The following DNAJB4 variants were observed in gnomAD, a reference collection of about 807,000 sequenced individuals.
DNAJB4 encodes dnaJ homolog subfamily B member 4.
A neutral mutation model predicts 26.6 loss-of-function variants in DNAJB4; 10 were observed. That is an observed-to-expected ratio of 0.38 (90% CI 0.23 to 0.64). DNAJB4 has a LOEUF of 0.64. Ranked by LOEUF, DNAJB4 falls within the 30% of genes least tolerant of loss-of-function variation. DNAJB4 has a pLI of 0.58. For synonymous variants in DNAJB4, 136 were observed against 134.8 expected (o/e 1.01, Z -0.06); for missense variants, 328 against 408.2 (o/e 0.80, Z 1.69).
At chr1:77,982,062 G>A (rs1231961705) in intron 1 of DNAJB4, among the ~76,000 whole-genome samples, 1 of 152,190 alleles carries the variant, frequency 6.6e-6, no homozygotes, top group Non-Finnish European at 1.5e-5. Flanking sequence ...GAAAGCATCT[G>A]TCTTAAATAA....
rs1191431279 is a variant in DNAJB4 at position 78,013,488 on chromosome 1, C to G, written c.649C>G (p.Pro217Ala). Residue 217 changes from proline (P) to alanine (A), a missense_variant, in exon 2 of 3, where the codon CCA becomes GCA. Physicochemically the swap from Pro to Ala is conservative, Grantham distance 27. Coordinates refer to ENST00000370763, the MANE Select transcript of DNAJB4 (RefSeq NM_007034.5). ...GAAAGAAGGCACCAAAATTACTTTT[C>G]CAAGAGAAGGAGATGAAACACCAAA... ...GWKEGTKITF[P>A]REGDETPNSI... is the part of the protein sequence containing the mutation. 2 of 1,614,038 alleles carry G rather than the reference C, an allele frequency of 1.2e-6. No individual in the cohort carries two copies. The highest frequency in any genetic ancestry group is 1.7e-6 in the Non-Finnish European group (2 of 1,180,008).
chr1:77,993,164 A>G (rs1659977271), intron 1 of DNAJB4, among the ~76,000 whole-genome samples: 1 of 152,178 alleles, frequency 6.6e-6, no homozygotes, highest in Admixed American at 6.5e-5. Flanking sequence ...GTTGGCAAAC[A>G]TTTCCTGGTA....
At chr1:77,983,012 A>AG (rs1659697062) in intron 1 of DNAJB4, among the ~76,000 whole-genome samples, 1 of 152,174 alleles carries the variant, frequency 6.6e-6, no homozygotes, top group African/African-American at 2.4e-5. Context: ...CAGCATATGG[A>AG]GGATCCCGCC....
At chr1:77,983,775 C>T (rs1336504695) in intron 1 of DNAJB4, among the ~76,000 whole-genome samples, 1 of 152,156 alleles carries the variant, frequency 6.6e-6, no homozygotes, top group Non-Finnish European at 1.5e-5. Context: ...AATGGAGTCT[C>T]CTATGTCTAC....
At chr1:77,983,505 A>G (rs1396462936) in intron 1 of DNAJB4, among the ~76,000 whole-genome samples, 2 of 152,206 alleles carry the variant, frequency 1.3e-5, no homozygotes. Context: ...ACCTTGGACA[A>G]TACCTGGCTT....
In DNAJB4 at chr1:78,015,550, CTTTTTTTT is replaced by C. The variant is rs766899519; in HGVS notation, c.781-453_781-446del. Reference sequence around the variant, plus strand: ...TTTTCTTTTTCTTTCTTTCTTTCTTCTTTTTTTTTTTTTTTTTTGAGACAGTTTTGCTC... The same window carrying C: ...TTTTCTTTTTCTTTCTTTCTTTCTTCTTTTTTTTTTGAGACAGTTTTGCTC... On this transcript the variant is annotated intron_variant, in intron 2 of 2. Coordinates refer to ENST00000370763, the MANE Select transcript of DNAJB4 (RefSeq NM_007034.5). 3.6e-3 allele frequency among the ~76,000 whole-genome samples: 210 copies of C among 57,802 alleles called. 3 individuals are homozygous for C. The highest frequency in any genetic ancestry group is 1.7e-3 in the Non-Finnish European group (43 of 26,024). The allele number at this position is 57,802 out of a possible 152,430, so 37.9% of individuals were successfully genotyped here.
At chr1:78,003,029 A>AT (rs139904898), upstream of DNAJB4, among the ~76,000 whole-genome samples, 7,025 of 148,950 alleles carry the variant, frequency 0.047, 203 homozygotes, top group East Asian at 0.08. Flanking sequence ...ATAAGTGTCT[A>AT]TTTTTTTTTT....
At chr1:77,987,423 C>T (rs1274875854) in intron 1 of DNAJB4, among the ~76,000 whole-genome samples, 1 of 152,148 alleles carries the variant, frequency 6.6e-6, no homozygotes, top group African/African-American at 2.4e-5. Context: ...ATCAGCACAC[C>T]TGGCTAATTT....
At chr1:78,011,415 A>C (rs931719333) in intron 1 of DNAJB4, among the ~76,000 whole-genome samples, 2 of 151,856 alleles carry the variant, frequency 1.3e-5, no homozygotes, top group Admixed American at 6.6e-5. Context: ...TGTCTAAAAA[A>C]CCATTTTTCA....
chr1:77,983,370 A>C (rs1659712601), intron 1 of DNAJB4, among the ~76,000 whole-genome samples: 1 of 152,080 alleles, frequency 6.6e-6, no homozygotes, highest in South Asian at 2.1e-4. Context: ...TCTCAACTGC[A>C]AGAGGCATGC....
Position 77,985,864 on chromosome 1 carries a change from CAT to C in DNAJB4, c.-32+5547_-32+5548del, listed in dbSNP as rs752063434. Among the ~76,000 whole-genome samples the C allele has an allele frequency of 3.2e-4, 48 of 152,014 alleles. 1 individual carries two copies. Among genetic ancestry groups the C allele is most frequent in the Non-Finnish European group, 1.2e-4 (8 of 67,996 alleles). ...GAGATACAGTAGTAAACAAAATAGA[CAT>C]ATATCTCACCGTCTTGTCTTGAGCA... On this transcript the variant is annotated intron_variant, in intron 1 of 2. Coordinates refer to the DNAJB4 transcript ENST00000426517.
Position 78,013,620 on chromosome 1 carries a change from G to T in DNAJB4, c.780+1G>T. ...TACTGCTAAAATTAGTTTACGAGAG[G>T]TAAGTTGGTAGGACCTAAAATCCTA... On this transcript the variant is annotated splice_donor_variant, in intron 2 of 2. Coordinates refer to ENST00000370763, the MANE Select transcript of DNAJB4 (RefSeq NM_007034.5). LOFTEE classifies it high-confidence loss of function. 1 of 1,566,452 alleles carries T rather than the reference G, an allele frequency of 6.4e-7. No homozygotes were observed.
At chr1:77,985,106 G>A (rs1659761554) in intron 1 of DNAJB4, among the ~76,000 whole-genome samples, 1 of 152,136 alleles carries the variant, frequency 6.6e-6, no homozygotes, top group Admixed American at 6.5e-5. Flanking sequence ...CTTAATTTTT[G>A]TAATCAGGAT....
chr1:78,012,957 AAGTT>A (rs1326021348), intron 1 of DNAJB4, 90 bp from the exon 2 acceptor site: 152 of 1,150,066 alleles, frequency 1.3e-4, no homozygotes, highest in Non-Finnish European at 1.3e-4. Context: ...ATTTTAATGT[AAGTT>A]AGCCAAAATT....
chr1:78,001,284 G>C (rs1052566951), upstream of DNAJB4, among the ~76,000 whole-genome samples: 2 of 151,394 alleles, frequency 1.3e-5, no homozygotes, highest in South Asian at 4.2e-4. Context: ...AGGGTGCAGT[G>C]AGCTATGATT....
chr1:78,000,936 T>C (rs1660175860), upstream of DNAJB4, among the ~76,000 whole-genome samples: 1 of 152,120 alleles, frequency 6.6e-6, no homozygotes, highest in Non-Finnish European at 1.5e-5. Context: ...TGAGCCGAGA[T>C]TGTGCCACTG....
At chr1:78,008,380 T>C (rs991000872) in intron 1 of DNAJB4, among the ~76,000 whole-genome samples, 6 of 152,206 alleles carry the variant, frequency 3.9e-5, no homozygotes, top group African/African-American at 1.4e-4. Flanking sequence ...AAATGTGCTA[T>C]ATACATTCAA....
chr1:78,010,578 A>G (rs1452265474), intron 1 of DNAJB4, among the ~76,000 whole-genome samples: 1 of 152,208 alleles, frequency 6.6e-6, no homozygotes, highest in African/African-American at 2.4e-5. Context: ...TCAGATTATT[A>G]GGTCTCTCTT....
intron 1 of DNAJB4, among the ~76,000 whole-genome samples, chr1:77,993,582 C>T (rs940555013): frequency 2.6e-5 from 4 of 152,030 alleles, no homozygotes; most frequent in South Asian, 2.1e-4. Flanking sequence ...TTCTAAGGTG[C>T]TGGGATATAG....
Sources: allele counts gnomAD v4.1 joint callset (sites outside exome capture counted in the v4.1 genomes callset), GRCh38; gene constraint gnomAD v4.1.1; transcripts MANE v1.5; gene names NCBI Gene and HGNC (gene_info 2026-07-23, HGNC 2026-07-21).